Variants in EPHA6 observed in about 807,000 individuals in gnomAD.
EPHA6 encodes the protein EPH receptor A6.
In EPHA6, 50 loss-of-function variants were observed where a neutral mutation model predicts 112.0. The observed-to-expected ratio is 0.45, with a 90% CI of 0.36 to 0.56. EPHA6 has a LOEUF of 0.56. Ranked by LOEUF, EPHA6 falls within the 20% of genes least tolerant of loss-of-function variation. EPHA6 has a pLI of 0.00. For missense variants in EPHA6, 1,280 were observed against 1,417.4 expected (o/e 0.90, Z 1.56); for synonymous variants, 529 against 490.7 (o/e 1.08, Z -1.03).
chr3:96,901,101 A>G (rs1426149045), intron 2 of EPHA6, among the ~76,000 whole-genome samples: 3 of 152,200 alleles, frequency 2.0e-5, no homozygotes, highest in Non-Finnish European at 4.4e-5. Context: ...ATAAATTATG[A>G]CATTTGGTCT....
chr3:97,106,110 A>G (rs2047559483), intron 3 of EPHA6, among the ~76,000 whole-genome samples: 2 of 152,132 alleles, frequency 1.3e-5, no homozygotes, highest in African/African-American at 2.4e-5. Context: ...TAAAATGTAT[A>G]TATTAAAAGC....
intron 3 of EPHA6, among the ~76,000 whole-genome samples, chr3:97,174,407 A>G (rs751157337): frequency 6.6e-6 from 1 of 151,908 alleles, no homozygotes; most frequent in Non-Finnish European, 1.5e-5. Context: ...TCTTTTGGGT[A>G]TATTCTTAGC....
At chr3:97,087,278 T>C (rs943519241) in intron 3 of EPHA6, among the ~76,000 whole-genome samples, 2 of 152,114 alleles carry the variant, frequency 1.3e-5, no homozygotes, top group Non-Finnish European at 2.9e-5. Context: ...GATGGGGATG[T>C]TGTGTCTAGA....
chr3:97,696,667 C>A (rs2033061417), intron 14 of EPHA6, among the ~76,000 whole-genome samples: 1 of 152,106 alleles, frequency 6.6e-6, no homozygotes, highest in Non-Finnish European at 1.5e-5. Flanking sequence ...AAAAACACAG[C>A]TAGATCCTAA....
At chr3:97,691,766 A>T (rs1402998857) in intron 14 of EPHA6, among the ~76,000 whole-genome samples, 2 of 152,254 alleles carry the variant, frequency 1.3e-5, no homozygotes, top group Non-Finnish European at 2.9e-5. Flanking sequence ...TTGTAAATTA[A>T]CATTGATGTA....
At chr3:97,535,201 A>G (rs2092746615) in intron 11 of EPHA6, among the ~76,000 whole-genome samples, 1 of 152,118 alleles carries the variant, frequency 6.6e-6, no homozygotes, top group South Asian at 2.1e-4. Flanking sequence ...TAAGCATCCA[A>G]CATAGTGATT....
intron 3 of EPHA6, among the ~76,000 whole-genome samples, chr3:97,071,320 A>T (rs966919355): frequency 1.2e-4 from 19 of 152,082 alleles, no homozygotes; most frequent in African/African-American, 4.6e-4. Context: ...TGTGTTTACC[A>T]TAAAGATGTT....
At chr3:97,596,990 T>A (rs919970432) in intron 12 of EPHA6, among the ~76,000 whole-genome samples, 1 of 148,906 alleles carries the variant, frequency 6.7e-6, no homozygotes, top group Non-Finnish European at 1.5e-5. Flanking sequence ...ATATATGGAA[T>A]AGGTGGGTGA....
In EPHA6 at chr3:97,190,033, A is replaced by T. The variant is rs1329761290; in HGVS notation, c.1115-36231A>T. On this transcript the variant is annotated intron_variant, in intron 3 of 17. Coordinates refer to ENST00000389672, the MANE Select transcript of EPHA6 (RefSeq NM_001080448.3). ...AACAGAATCTCACATAAGCTGACTC[A>T]GCACTATCTATAAGCCATGGATACT... Among the ~76,000 whole-genome samples, 4 of 152,040 alleles carry T rather than the reference A, an allele frequency of 2.6e-5. No homozygotes were observed. The East Asian group carries it at 7.8e-4, about 29-fold the overall frequency.
At chr3:96,927,874 C>G (rs1316663812) in intron 2 of EPHA6, among the ~76,000 whole-genome samples, 1 of 152,144 alleles carries the variant, frequency 6.6e-6, no homozygotes, top group Non-Finnish European at 1.5e-5. Flanking sequence ...AATGTATAAA[C>G]CAAGGAAGTT....
intron 5 of EPHA6, among the ~76,000 whole-genome samples, chr3:97,255,634 C>T (rs185005741): frequency 2.0e-5 from 3 of 152,096 alleles, no homozygotes; most frequent in Admixed American, 6.5e-5. Context: ...CAGACATGCT[C>T]GAAAACATAC....
intron 11 of EPHA6, chr3:97,559,523 T>C (rs929305995): frequency 1.5e-5 from 6 of 403,560 alleles, no homozygotes; most frequent in South Asian, 3.6e-5. Flanking sequence ...GAAATCAGAG[T>C]GACTGAGTGG....
At chr3:97,572,260 C>G (rs999955352) in intron 11 of EPHA6, among the ~76,000 whole-genome samples, 2 of 150,884 alleles carry the variant, frequency 1.3e-5, no homozygotes, top group African/African-American at 4.9e-5. Flanking sequence ...ATGCCATTCT[C>G]CCGCCTCAGC....
intron 10 of EPHA6, among the ~76,000 whole-genome samples, chr3:97,513,305 C>T (rs780489357): frequency 6.6e-6 from 1 of 152,106 alleles, no homozygotes; most frequent in Non-Finnish European, 1.5e-5. Context: ...GGGTATATAT[C>T]CAAAGGAAAT....
At chr3:97,194,059 T>C (rs1378473929) in intron 3 of EPHA6, among the ~76,000 whole-genome samples, 1 of 151,994 alleles carries the variant, frequency 6.6e-6, no homozygotes, top group African/African-American at 2.4e-5. Flanking sequence ...TGTTTTATTG[T>C]TTCAATTTTA....
At chr3:97,042,183 G>T (rs759552792) in intron 3 of EPHA6, among the ~76,000 whole-genome samples, 1 of 152,030 alleles carries the variant, frequency 6.6e-6, no homozygotes, top group Non-Finnish European at 1.5e-5. Flanking sequence ...GGGTCCTGGG[G>T]GTGGATCCCT....
At chr3:97,077,539 C>G (rs966460145) in intron 3 of EPHA6, among the ~76,000 whole-genome samples, 1 of 151,966 alleles carries the variant, frequency 6.6e-6, no homozygotes, top group Non-Finnish European at 1.5e-5. Context: ...TCCCTGCCCC[C>G]GCCCCATCCC....
At chr3:97,164,725 T>C (rs1164136561) in intron 3 of EPHA6, among the ~76,000 whole-genome samples, 1 of 152,102 alleles carries the variant, frequency 6.6e-6, no homozygotes, top group Non-Finnish European at 1.5e-5. Context: ...ACAGTCTTTT[T>C]TTCATGATTA....
At position 97,602,923 on chromosome 3, in the gene EPHA6, T is replaced by A. The variant is rs141553265; in HGVS notation, c.2513-7870T>A. Among the ~76,000 whole-genome samples, 1,311 of 152,132 alleles carry A rather than the reference T, an allele frequency of 8.6e-3. 20 individuals are homozygous for A. The highest frequency in any genetic ancestry group is 0.028 in the African/African-American group (1,178 of 41,546). On this transcript the variant is annotated intron_variant, in intron 12 of 17. Transcript: ENST00000389672. ...TATGAAAATTCCTTGCTGTGTTTTTTTATTGCTTCCTAATAGTAATTCAAC... is the reference window on the plus strand; with the variant it reads ...TATGAAAATTCCTTGCTGTGTTTTTATATTGCTTCCTAATAGTAATTCAAC...
Sources: gnomAD v4.1 joint callset for allele counts (sites outside exome capture counted in the v4.1 genomes callset) on GRCh38, gnomAD v4.1.1 for gene constraint, MANE v1.5 for transcripts, NCBI Gene and HGNC (gene_info 2026-07-23, HGNC 2026-07-21) for gene names.